The following KIAA1217 variants were observed in gnomAD, a reference collection of about 807,000 sequenced individuals.
KIAA1217 encodes KIAA1217, also known as sickle tail protein homolog.
In KIAA1217, 88 loss-of-function variants were observed where a neutral mutation model predicts 163.9. That is an observed-to-expected ratio of 0.54 (90% CI 0.45 to 0.64). KIAA1217 has a LOEUF of 0.64. KIAA1217 is among the 30% of genes least tolerant of loss of function. The pLI is 0.00. For synonymous variants in KIAA1217, 903 were observed against 923.1 expected (o/e 0.98, Z 0.39); for missense variants, 2,372 against 2,475.0 (o/e 0.96, Z 0.88).
chr10:23,776,139 A>G (rs1422777908), intron 1 of KIAA1217, among the ~76,000 whole-genome samples: 2 of 152,160 alleles, frequency 1.3e-5, no homozygotes, highest in Non-Finnish European at 2.9e-5. Flanking sequence ...CTTAAGAGAT[A>G]CCATTGAAGA....
intron 2 of KIAA1217, among the ~76,000 whole-genome samples, chr10:24,178,802 T>C (rs2066031412): frequency 6.6e-6 from 1 of 152,232 alleles, no homozygotes; most frequent in Non-Finnish European, 1.5e-5. Context: ...CTATATTTTT[T>C]GCAACATACA....
rs534040408 is a variant in KIAA1217 at position 24,261,630 on chromosome 10, A to C, written c.354+41721A>C. On this transcript the variant is annotated intron_variant, in intron 2 of 20. Transcript: ENST00000376454. ...GGGACTTGGTGACTGCTTCTATCCC[A>C]GTCTTTGATGGTTTAGACAGTGGAA... Among the ~76,000 whole-genome samples, 7 of 152,122 alleles carry C rather than the reference A, an allele frequency of 4.6e-5. No individual in the cohort carries two copies. The South Asian group carries it at 1.5e-3, about 32-fold the overall frequency.
At chr10:23,856,718 G>A (rs12260547) in intron 1 of KIAA1217, among the ~76,000 whole-genome samples, 5,466 of 152,346 alleles carry the variant, frequency 0.036, 302 homozygotes, top group African/African-American at 0.12. Context: ...GCAATGGCAG[G>A]CGCCCCTCCC....
intron 2 of KIAA1217, among the ~76,000 whole-genome samples, chr10:24,058,501 T>C (rs1256183119): frequency 1.3e-5 from 2 of 152,198 alleles, no homozygotes; most frequent in African/African-American, 2.4e-5. Context: ...ACTTTAACAA[T>C]ATTAAGTCTT....
intron 2 of KIAA1217, among the ~76,000 whole-genome samples, chr10:24,045,630 C>G (rs1379488284): frequency 6.6e-6 from 1 of 152,056 alleles, no homozygotes; most frequent in African/African-American, 2.4e-5. Flanking sequence ...TTTTTAATTT[C>G]CAAGAAGCTT....
intron 1 of KIAA1217, among the ~76,000 whole-genome samples, chr10:23,821,231 A>G (rs189490802): frequency 2.0e-4 from 31 of 152,184 alleles, no homozygotes; most frequent in African/African-American, 7.5e-4. Context: ...AGTTATTAGA[A>G]GTGGAAAGTC....
chr10:24,220,399 A>G (rs2069419018), intron 2 of KIAA1217, among the ~76,000 whole-genome samples: 1 of 150,404 alleles, frequency 6.6e-6, no homozygotes, highest in Non-Finnish European at 1.5e-5. Context: ...ACTTGTGGTA[A>G]CTCCTTTTCC....
intron 1 of KIAA1217, among the ~76,000 whole-genome samples, chr10:23,921,916 T>C (rs1264066989): frequency 2.0e-5 from 3 of 152,082 alleles, no homozygotes; most frequent in Non-Finnish European, 2.9e-5. Flanking sequence ...GGAATCCTAG[T>C]AGTGATAAAT....
At chr10:23,709,949 C>G (rs1383048578) in intron 1 of KIAA1217, among the ~76,000 whole-genome samples, 2 of 152,172 alleles carry the variant, frequency 1.3e-5, no homozygotes, top group African/African-American at 2.4e-5. Context: ...CGCACTTTCC[C>G]TATTATGTGA....
chr10:24,126,008 A>G lies in KIAA1217; in HGVS notation c.-170-93618A>G, dbSNP rs142190248. 9.9e-3 allele frequency among the ~76,000 whole-genome samples: 1,500 copies of G among 152,274 alleles called. 8 individuals are homozygous for G. Among genetic ancestry groups the G allele is most frequent in the Middle Eastern group, 0.044 (13 of 294 alleles). Reference sequence around the variant, plus strand: ...GTTTCGTTCTGCAGTTTCTGCTACAATGTAGCTCATTGTGGATCTATACTA... The same window carrying G: ...GTTTCGTTCTGCAGTTTCTGCTACAGTGTAGCTCATTGTGGATCTATACTA... On this transcript the variant is annotated intron_variant, in intron 2 of 18. Transcript: ENST00000376462.
chr10:24,182,370 G>T (rs1214261114), intron 2 of KIAA1217, among the ~76,000 whole-genome samples: 2 of 151,828 alleles, frequency 1.3e-5, no homozygotes, highest in Non-Finnish European at 2.9e-5. Context: ...CGGGGAGGTG[G>T]GGGGAGGGCT....
intron 14 of KIAA1217, among the ~76,000 whole-genome samples, chr10:24,529,024 G>A (rs576963503): frequency 6.6e-5 from 10 of 152,126 alleles, no homozygotes; most frequent in Admixed American, 6.5e-4. Flanking sequence ...TAAAATTATG[G>A]ACCCGGATGT....
chr10:24,473,440 C>T lies in KIAA1217; in HGVS notation c.1059C>T (p.Ser353=), dbSNP rs747852452. 3 of 1,614,148 alleles carry T rather than the reference C, an allele frequency of 1.9e-6. No homozygotes were observed. Among genetic ancestry groups the T allele is most frequent in the Non-Finnish European group, 2.5e-6 (3 of 1,180,024 alleles). ...CCATCCCCAGGGACAGAATCTCCAG[C>T]CTGCCAGTCTCCAGACCCATCTCTC... ...NATIPRDRIS[S]LPVSRPISPS... Residue 353 remains serine (S), a synonymous_variant, in exon 6 of 21, where the codon AGC becomes AGT. Coordinates refer to ENST00000376454, the MANE Select transcript of KIAA1217 (RefSeq NM_019590.5).
intron 2 of KIAA1217, among the ~76,000 whole-genome samples, chr10:24,162,557 C>T (rs2065167763): frequency 6.6e-6 from 1 of 152,202 alleles, no homozygotes; most frequent in African/African-American, 2.4e-5. Flanking sequence ...TAATGCAGCC[C>T]ATCACATGGT....
chr10:24,062,172 T>C (rs887951765), intron 2 of KIAA1217, among the ~76,000 whole-genome samples: 2 of 151,912 alleles, frequency 1.3e-5, no homozygotes, highest in Non-Finnish European at 2.9e-5. Flanking sequence ...AGCTTTAGGG[T>C]ACATGTGCAC....
intron 10 of KIAA1217, among the ~76,000 whole-genome samples, chr10:24,517,204 T>C (rs1001749078): frequency 1.3e-5 from 2 of 151,472 alleles, no homozygotes; most frequent in Non-Finnish European, 2.9e-5. Flanking sequence ...AATATCTATA[T>C]ACATATATAT....
intron 2 of KIAA1217, among the ~76,000 whole-genome samples, chr10:24,067,439 C>T (rs1385058701): frequency 2.0e-5 from 3 of 152,186 alleles, no homozygotes; most frequent in African/African-American, 4.8e-5. Flanking sequence ...GTATCAGCAG[C>T]GGTGGCTGCA....
intron 3 of KIAA1217, among the ~76,000 whole-genome samples, chr10:24,386,242 A>G (rs879247691): frequency 6.6e-6 from 1 of 152,218 alleles, no homozygotes; most frequent in Non-Finnish European, 1.5e-5. Context: ...CTTAAGTGGC[A>G]TAGGAGGATT....
intron 3 of KIAA1217, among the ~76,000 whole-genome samples, chr10:24,423,253 A>C (rs2058895452): frequency 6.6e-6 from 1 of 150,646 alleles, no homozygotes; most frequent in African/African-American, 2.4e-5. Flanking sequence ...CAGGGTGCTA[A>C]CATAGGTTTC....
Sources: allele counts gnomAD v4.1 joint callset (sites outside exome capture counted in the v4.1 genomes callset), GRCh38; gene constraint gnomAD v4.1.1; transcripts MANE v1.5; gene names NCBI Gene and HGNC (gene_info 2026-07-23, HGNC 2026-07-21).